STYX: variants seen among roughly 807,000 people sequenced by gnomAD.
STYX encodes serine/threonine/tyrosine-interacting protein.
STYX carries 20 observed loss-of-function variants against 42.7 expected under a neutral mutation model. The observed-to-expected ratio is 0.47, with a 90% CI of 0.33 to 0.68. The LOEUF is 0.68. Ranked by LOEUF, STYX falls within the 30% of genes least tolerant of loss-of-function variation. STYX has a pLI of 0.02. For missense variants in STYX, 226 were observed against 268.5 expected, an observed-to-expected ratio of 0.84 and a Z score of 1.11; for synonymous variants, 78 against 81.9, an observed-to-expected ratio of 0.95 and a Z score of 0.26.
At chr14:52,766,793 T>G (rs114425671) in intron 9 of STYX, among the ~76,000 whole-genome samples, 1 of 152,144 alleles carries the variant, frequency 6.6e-6, no homozygotes, top group African/African-American at 2.4e-5. Context: ...TTATGTTCCC[T>G]TTTTTCTTTG....
chr14:52,757,208 A>C, intron 5 of STYX, 111 bp from the exon 6 acceptor site: 1 of 887,920 alleles, frequency 1.1e-6, no homozygotes, highest in South Asian at 2.4e-5. Context: ...TGGTGAATCA[A>C]AATAATTTTT....
chr14:52,748,306 G>A (rs1207162801), intron 3 of STYX, among the ~76,000 whole-genome samples: 1 of 152,124 alleles, frequency 6.6e-6, no homozygotes, highest in Non-Finnish European at 1.5e-5. Flanking sequence ...ATAGCTCACT[G>A]TAACCTCAAA....
intron 1 of STYX, among the ~76,000 whole-genome samples, chr14:52,736,332 T>TA (rs748670085): frequency 1.0e-3 from 156 of 152,346 alleles, no homozygotes; most frequent in Non-Finnish European, 2.0e-3. Context: ...CTTTAATACT[T>TA]ACCTTTGTAA....
chr14:52,747,038 G>C (rs1187934517), intron 3 of STYX, among the ~76,000 whole-genome samples: 1 of 152,134 alleles, frequency 6.6e-6, no homozygotes, highest in Admixed American at 6.5e-5. Flanking sequence ...TTTTGGATTA[G>C]GGATGCTCAA....
chr14:52,757,408 AT>A, intron 6 of STYX, 53 bp downstream of exon 6: 1 of 1,488,290 alleles, frequency 6.7e-7, no homozygotes, highest in Non-Finnish European at 9.3e-7. Flanking sequence ...TTATTTGTTA[AT>A]TTTTTAGTTG....
intron 4 of STYX, among the ~76,000 whole-genome samples, chr14:52,754,371 G>A (rs556412684): frequency 1.1e-4 from 16 of 150,270 alleles, no homozygotes; most frequent in Admixed American, 3.3e-4. Context: ...CCACCGGATC[G>A]GGCTAATTTT....
chr14:52,756,329 A>G (rs79613253), intron 4 of STYX, among the ~76,000 whole-genome samples: 340 of 152,152 alleles, frequency 2.2e-3, no homozygotes, highest in Non-Finnish European at 2.3e-3. Context: ...GCCCAGCCTG[A>G]TGGATTTTTT....
intron 1 of STYX, among the ~76,000 whole-genome samples, chr14:52,731,955 T>C (rs1040936730): frequency 9.2e-5 from 14 of 151,480 alleles, no homozygotes; most frequent in Non-Finnish European, 1.8e-4. Context: ...TTTTCTTTTT[T>C]TTTTTTTTTG....
chr14:52,769,540 G>C (rs1269935724), intron 10 of STYX, among the ~76,000 whole-genome samples: 1 of 152,036 alleles, frequency 6.6e-6, no homozygotes, highest in Non-Finnish European at 1.5e-5. Flanking sequence ...TTGAGGACAG[G>C]TGATCTGATC....
At chr14:52,740,591 T>A (rs921742820) in intron 1 of STYX, among the ~76,000 whole-genome samples, 1 of 152,234 alleles carries the variant, frequency 6.6e-6, no homozygotes, top group African/African-American at 2.4e-5. Flanking sequence ...TAACTTTTTT[T>A]CTTTAAAGAT....
At chr14:52,746,805 G>A (rs1474651637) in intron 3 of STYX, among the ~76,000 whole-genome samples, 1 of 152,190 alleles carries the variant, frequency 6.6e-6, no homozygotes, top group Non-Finnish European at 1.5e-5. Context: ...AGAACAATAT[G>A]AGATGTAGTT....
intron 9 of STYX, among the ~76,000 whole-genome samples, chr14:52,767,856 T>C (rs1490964234): frequency 6.6e-6 from 1 of 152,228 alleles, no homozygotes; most frequent in Non-Finnish European, 1.5e-5. Context: ...GTGATTCTCA[T>C]GTATATCCAG....
chr14:52,739,655 T>C (rs1400784343), intron 1 of STYX, among the ~76,000 whole-genome samples: 136 of 119,314 alleles, frequency 1.1e-3, no homozygotes, highest in Middle Eastern at 4.2e-3. Context: ...TTTTTTTTTT[T>C]CGTTGAGATA....
chr14:52,742,773 T>C (rs1335305978), intron 1 of STYX, among the ~76,000 whole-genome samples: 2 of 151,952 alleles, frequency 1.3e-5, no homozygotes, highest in Non-Finnish European at 2.9e-5. Context: ...GGCCTCCTTC[T>C]GATTGATTGC....
Position 52,757,452 on chromosome 14 carries a change from C to A in STYX, c.340+97C>A, listed in dbSNP as rs1881918028. 5 of 1,154,972 alleles carry A rather than the reference C, an allele frequency of 4.3e-6. No homozygotes were observed. In the South Asian group the frequency reaches 5.6e-5, roughly 13 times the overall value. 71.5% of individuals were successfully genotyped at this position (1,154,972 alleles called of 1,614,324 possible). On this transcript the variant is annotated intron_variant, in intron 6 of 10. Coordinates refer to ENST00000354586, the MANE Select transcript of STYX (RefSeq NM_145251.4). Reference sequence around the variant, plus strand: ...TCTTAAATGCAGGATATGGAAGTTACAATTATATGTAGTAGCTTACTCCCA... The same window carrying A: ...TCTTAAATGCAGGATATGGAAGTTAAAATTATATGTAGTAGCTTACTCCCA...
At chr14:52,736,832 C>T (rs927268483) in intron 1 of STYX, among the ~76,000 whole-genome samples, 1 of 152,090 alleles carries the variant, frequency 6.6e-6, no homozygotes, top group African/African-American at 2.4e-5. Flanking sequence ...TACTTGAGTA[C>T]TCTTCTGCCC....
chr14:52,731,858 T>G (rs1048279282), intron 1 of STYX: 1 of 151,780 alleles, frequency 6.6e-6, no homozygotes, highest in Non-Finnish European at 1.5e-5. Context: ...AGTGGTGTGA[T>G]CTCGGTTCAC....
intron 4 of STYX, among the ~76,000 whole-genome samples, chr14:52,755,347 T>C (rs959854904): frequency 2.6e-5 from 4 of 152,134 alleles, no homozygotes; most frequent in Non-Finnish European, 5.9e-5. Context: ...GGTCTTGAAC[T>C]CCTGACCTCA....
chr14:52,758,329 T>C (rs1323435814), intron 8 of STYX, among the ~76,000 whole-genome samples: 1 of 152,214 alleles, frequency 6.6e-6, no homozygotes, highest in Non-Finnish European at 1.5e-5. Context: ...AAAATCATCT[T>C]TTCCAAGCAT....
Sources: allele counts gnomAD v4.1 joint callset (sites outside exome capture counted in the v4.1 genomes callset), GRCh38; gene constraint gnomAD v4.1.1; transcripts MANE v1.5; gene names NCBI Gene and HGNC (gene_info 2026-07-23, HGNC 2026-07-21).